NEK10: variants seen among roughly 807,000 people sequenced by gnomAD.
NEK10 encodes serine/threonine-protein kinase Nek10.
In NEK10, 122 loss-of-function variants were observed where a neutral mutation model predicts 159.8. That is an observed-to-expected ratio of 0.76 (90% CI 0.66 to 0.89). The LOEUF (loss-of-function observed/expected upper bound fraction) is 0.89. NEK10 is among the 40% of genes least tolerant of loss of function. The pLI is 0.00. For synonymous variants in NEK10, 466 were observed against 457.1 expected (o/e 1.02, Z -0.25); for missense variants, 1,342 against 1,323.1 (o/e 1.01, Z -0.22).
intron 6 of NEK10, among the ~76,000 whole-genome samples, chr3:27,315,808 G>A (rs536987900): frequency 2.6e-5 from 4 of 152,278 alleles, no homozygotes; most frequent in East Asian, 3.9e-4. Flanking sequence ...GTTACGAGGC[G>A]CCAGAATAGA....
intron 24 of NEK10, among the ~76,000 whole-genome samples, 196 bp downstream of exon 24, chr3:27,202,232 T>C (rs555967803): frequency 6.6e-6 from 1 of 152,014 alleles, no homozygotes; most frequent in East Asian, 1.9e-4. Flanking sequence ...ATAAAGACAA[T>C]TATAGAGGGA....
At chr3:27,172,456 A>G (rs918707828) in intron 28 of NEK10, among the ~76,000 whole-genome samples, 1 of 152,088 alleles carries the variant, frequency 6.6e-6, no homozygotes, top group Non-Finnish European at 1.5e-5. Context: ...TATCCAAAAG[A>G]AGGGAAGTTA....
intron 13 of NEK10, among the ~76,000 whole-genome samples, chr3:27,299,142 T>C (rs749852847): frequency 6.6e-6 from 1 of 152,268 alleles, no homozygotes; most frequent in East Asian, 1.9e-4. Flanking sequence ...GTCCCTCCCA[T>C]CACAGGCCTG....
rs9873445 is a variant in NEK10, at chr3:27,321,509, A to G, written c.447+668T>C. Among the ~76,000 whole-genome samples the G allele has an allele frequency of 8.7e-3, 1,327 of 152,300 alleles. 18 individuals are homozygous for G. The highest frequency in any genetic ancestry group is 0.03 in the African/African-American group (1,230 of 41,568). On this transcript the variant is annotated intron_variant, in intron 6 of 35. Coordinates refer to ENST00000691995, the MANE Select transcript of NEK10 (RefSeq NM_001394966.1). ...AACATGGTGAAACCCCATCTCTACT[A>G]TAAATGCAAAAATATTAGCCGGACA...
chr3:27,126,090 T>C (rs575204189), intron 32 of NEK10, among the ~76,000 whole-genome samples: 5 of 152,276 alleles, frequency 3.3e-5, no homozygotes, highest in African/African-American at 4.8e-5. Flanking sequence ...TCATGATTAT[T>C]ATATGCATAA....
Position 27,280,224 on chromosome 3 carries a change from T to C in NEK10, c.2014+4378A>G, listed in dbSNP as rs183644316. 1.1e-3 allele frequency among the ~76,000 whole-genome samples: 159 copies of C among 150,862 alleles called. 1 individual carries two copies. Among genetic ancestry groups the C allele is most frequent in the Admixed American group, 3.6e-3 (55 of 15,144 alleles). ...GATATTCCAATAAATGTGTGGCAGA[T>C]GGAAAGCAGGTAGAAGATGGTGTCA... On this transcript the variant is annotated intron_variant, in intron 22 of 35. Transcript: ENST00000691995.
chr3:27,294,126 T>C (rs2043183563), intron 15 of NEK10, among the ~76,000 whole-genome samples: 1 of 152,212 alleles, frequency 6.6e-6, no homozygotes, highest in Non-Finnish European at 1.5e-5. Context: ...ATTGGTCTCT[T>C]GAGTAAAGAG....
chr3:27,150,370 A>G (rs546433939), intron 30 of NEK10, among the ~76,000 whole-genome samples: 5 of 152,326 alleles, frequency 3.3e-5, no homozygotes, highest in Admixed American at 2.0e-4. Context: ...CTGGCTTCAA[A>G]GTACAGGCTG....
At chr3:27,171,724 A>G (rs1947002513) in intron 29 of NEK10, 95 bp downstream of exon 29, 4 of 1,312,406 alleles carry the variant, frequency 3.0e-6, no homozygotes, top group Non-Finnish European at 3.2e-6. Context: ...CCGCAGGCAC[A>G]TGGAAACTTC....
intron 25 of NEK10, among the ~76,000 whole-genome samples, chr3:27,193,474 C>T (rs1420065991): frequency 6.6e-6 from 1 of 151,958 alleles, no homozygotes; most frequent in African/African-American, 2.4e-5. Context: ...CTTGAACTGG[C>T]CCTTAACTTC....
intron 22 of NEK10, among the ~76,000 whole-genome samples, chr3:27,269,456 C>A (rs1018472820): frequency 1.8e-4 from 28 of 152,290 alleles, no homozygotes; most frequent in African/African-American, 6.3e-4. Flanking sequence ...AGCATCAAGT[C>A]ATGACCCTCC....
chr3:27,200,000 C>G (rs1949912135), intron 25 of NEK10, among the ~76,000 whole-genome samples: 1 of 152,112 alleles, frequency 6.6e-6, no homozygotes, highest in African/African-American at 2.4e-5. Flanking sequence ...GGAAAAATAG[C>G]TATTGGGCAC....
chr3:27,134,513 G>A (rs977876159), intron 31 of NEK10, among the ~76,000 whole-genome samples: 2 of 152,112 alleles, frequency 1.3e-5, no homozygotes, highest in African/African-American at 4.8e-5. Flanking sequence ...CCTTCAAAGG[G>A]GACTTAACCC....
intron 23 of NEK10, among the ~76,000 whole-genome samples, chr3:27,235,432 C>T (rs182340093): frequency 8.6e-4 from 131 of 152,144 alleles, no homozygotes; most frequent in Non-Finnish European, 2.5e-4. Context: ...AAACAAACAA[C>T]GCCATTAAAA....
Position 27,142,569 on chromosome 3 carries a change from A to T in NEK10, c.2870-987T>A, listed in dbSNP as rs1943893086. 2.6e-5 allele frequency among the ~76,000 whole-genome samples: 4 copies of T among 152,182 alleles called. No homozygotes were observed. The South Asian group carries it at 8.3e-4, about 32-fold the overall frequency. Reference sequence around the variant, plus strand: ...CTTTTCTTCCCTTCACACAACATTGAGCTACTATGAAGTTAAACATGAATA... The same window carrying T: ...CTTTTCTTCCCTTCACACAACATTGTGCTACTATGAAGTTAAACATGAATA... On this transcript the variant is annotated intron_variant, in intron 30 of 35. Coordinates refer to ENST00000691995, the MANE Select transcript of NEK10 (RefSeq NM_001394966.1).
chr3:27,203,943 C>T (rs568019760), intron 23 of NEK10, among the ~76,000 whole-genome samples: 2 of 152,074 alleles, frequency 1.3e-5, no homozygotes, highest in Admixed American at 6.6e-5. Flanking sequence ...CAGGGCTCTG[C>T]GGTTCTAAAT....
At chr3:27,357,818 C>G (rs894945804) in intron 1 of NEK10, among the ~76,000 whole-genome samples, 1 of 152,086 alleles carries the variant, frequency 6.6e-6, no homozygotes, top group African/African-American at 2.4e-5. Context: ...AGTACAGAGT[C>G]TGAGGGGACT....
intron 20 of NEK10, 135 bp from the exon 21 acceptor site, chr3:27,285,096 A>C: frequency 1.5e-6 from 1 of 669,090 alleles, no homozygotes; most frequent in Admixed American, 3.2e-5. Flanking sequence ...TGATGTGCTA[A>C]AATATGGATC....
At chr3:27,355,765 C>A (rs925891901) in intron 1 of NEK10, among the ~76,000 whole-genome samples, 2 of 152,096 alleles carry the variant, frequency 1.3e-5, no homozygotes, top group African/African-American at 4.8e-5. Flanking sequence ...CTTCCTGTGG[C>A]CTTCTATTGG....
Sources: allele counts gnomAD v4.1 joint callset (sites outside exome capture counted in the v4.1 genomes callset), GRCh38; gene constraint gnomAD v4.1.1; transcripts MANE v1.5; gene names NCBI Gene and HGNC (gene_info 2026-07-23, HGNC 2026-07-21).